Variants in RNF10 observed in about 807,000 individuals in gnomAD.
RNF10 encodes the protein ring finger protein 10, also known as E3 ubiquitin-protein ligase RNF10.
In RNF10, 38 loss-of-function variants were observed where a neutral mutation model predicts 91.4. The observed-to-expected ratio is 0.42, with a 90% CI of 0.32 to 0.54. RNF10 has a LOEUF of 0.54. RNF10 is among the 20% of genes least tolerant of loss of function. The pLI, the probability that RNF10 is intolerant of heterozygous loss-of-function variation, is 0.16. For missense variants in RNF10, 945 were observed against 1,012.0 expected (o/e 0.93, Z 0.90); for synonymous variants, 364 against 366.3 (o/e 0.99, Z 0.07).
chr12:120,547,288 C>G (rs1378968839), intron 2 of RNF10, among the ~76,000 whole-genome samples: 1 of 152,074 alleles, frequency 6.6e-6, no homozygotes, highest in African/African-American at 2.4e-5. Context: ...AGGGAGCACA[C>G]TATATGGTTG....
intron 6 of RNF10, among the ~76,000 whole-genome samples, chr12:120,559,971 G>A (rs567970688): frequency 2.6e-5 from 4 of 151,522 alleles, no homozygotes; most frequent in Admixed American, 6.6e-5. Flanking sequence ...TGCTGAACGT[G>A]AGCCACCACA....
At chr12:120,535,366 T>C (rs1870596883) in intron 1 of RNF10, 1 of 156,118 alleles carries the variant, frequency 6.4e-6, no homozygotes, top group African/African-American at 2.4e-5. Context: ...TGTTCAAGTT[T>C]AGATGGGTGG....
chr12:120,574,620 G>A (rs1178559289), intron 14 of RNF10: 1 of 444,906 alleles, frequency 2.2e-6, no homozygotes, highest in African/African-American at 2.0e-5. Context: ...TAGTAGCCAT[G>A]TGGTTTAAAA....
In RNF10 at chr12:120,563,313, A is replaced by G. The variant is rs200473562; in HGVS notation, c.1255-34A>G. ...ACATTGCTTTCGGAAAGCAGGAGAT[A>G]TCCTTTCTGTTGACTTAGAGTTTGC... On this transcript the variant is annotated intron_variant, in intron 8 of 16. Transcript: ENST00000325954. The G allele has an allele frequency of 5.0e-4, 792 of 1,582,386 alleles. 1 individual carries two copies. Among genetic ancestry groups the G allele is most frequent in the Middle Eastern group, 4.5e-3 (27 of 5,942 alleles).
intron 2 of RNF10, among the ~76,000 whole-genome samples, chr12:120,552,013 C>CT (rs111247951): frequency 0.023 from 3,026 of 130,698 alleles, 118 homozygotes; most frequent in African/African-American, 0.076. Context: ...ATGCTACATA[C>CT]TTTTTTTTTT....
chr12:120,548,553 G>C (rs750824600), intron 2 of RNF10, among the ~76,000 whole-genome samples: 1 of 152,044 alleles, frequency 6.6e-6, no homozygotes, highest in Admixed American at 6.6e-5. Flanking sequence ...ATGGGAAGAA[G>C]AAACAGCAAA....
intron 1 of RNF10, among the ~76,000 whole-genome samples, chr12:120,538,602 G>A (rs1453038361): frequency 2.6e-5 from 4 of 152,172 alleles, no homozygotes; most frequent in African/African-American, 7.2e-5. Context: ...ATAGCTCAGA[G>A]GAGAGAAGGT....
At chr12:120,567,169 C>T (rs953374208) in intron 13 of RNF10, among the ~76,000 whole-genome samples, 189 bp downstream of exon 13, 1 of 152,178 alleles carries the variant, frequency 6.6e-6, no homozygotes, top group Admixed American at 6.5e-5. Context: ...CTGCTTTACC[C>T]TGCCAGCTTC....
In RNF10 at chr12:120,534,807, C is replaced by G. The variant is rs765501811; in HGVS notation, c.-5C>G. ...CGACTGCCGTCGCCGCCGAGGCCCC[C>G]GTTGATGCCGCTGAGCTCCCCCAAC... On this transcript the variant is annotated 5_prime_UTR_variant, in exon 1 of 17. Coordinates refer to ENST00000325954, the MANE Select transcript of RNF10 (RefSeq NM_014868.5). 1.3e-5 allele frequency: 21 copies of G among 1,568,556 alleles called. No individual in the cohort carries two copies. Among genetic ancestry groups the G allele is most frequent in the Admixed American group, 3.7e-5 (2 of 53,658 alleles).
rs567078489 is a variant in RNF10 at position 120,577,184 on chromosome 12, GT to G, written c.*529del. On this transcript the variant is annotated 3_prime_UTR_variant, in exon 17 of 17. Transcript: ENST00000325954. ...TTTAGGACACCCAGTTTGAATTGCA[GT>G]TTTTTTTTTTCTGACACATGGCCAG... The G allele has an allele frequency of 5.9e-4, 243 of 414,908 alleles. No individual in the cohort carries two copies. The highest frequency in any genetic ancestry group is 2.7e-3 in the East Asian group (35 of 13,002). The allele number at this position is 414,908 out of a possible 1,614,324, so 25.7% of individuals were successfully genotyped here.
intron 1 of RNF10, chr12:120,535,622 CA>C (rs1870657493): frequency 6.6e-6 from 1 of 152,166 alleles, no homozygotes; most frequent in Non-Finnish European, 1.5e-5. Context: ...TAATTAAAAA[CA>C]AAACAAATGA....
At chr12:120,560,947 C>A (rs1874756367) in intron 7 of RNF10, 61 bp downstream of exon 7, 2 of 1,543,434 alleles carry the variant, frequency 1.3e-6, no homozygotes, top group Non-Finnish European at 1.8e-6. Flanking sequence ...GTGGTGAAAA[C>A]CAGAAATGCT....
chr12:120,563,210 C>A, intron 8 of RNF10, 137 bp from the exon 9 acceptor site: 1 of 1,479,420 alleles, frequency 6.8e-7, no homozygotes. Context: ...TTAGTTCTTT[C>A]CCCAGGGGTG....
At chr12:120,574,202 C>T (rs1011008215) in intron 14 of RNF10, among the ~76,000 whole-genome samples, 2 of 152,234 alleles carry the variant, frequency 1.3e-5, no homozygotes, top group Non-Finnish European at 2.9e-5. Context: ...TTAATGAAAT[C>T]GGCATCTGCC....
rs116505392 is a variant in RNF10 at position 120,566,092 on chromosome 12, A to G, written c.1885+563A>G. On this transcript the variant is annotated intron_variant, in intron 12 of 16. Transcript: ENST00000325954. ...ACAAGGAACTGAGTCCTTGGCCCAG[A>G]AAAGGACTTCGGTGTTTTGACTCCA... Among the ~76,000 whole-genome samples the G allele has an allele frequency of 2.3e-3, 348 of 152,352 alleles. 1 individual carries two copies. Among genetic ancestry groups the G allele is most frequent in the African/African-American group, 8.1e-3 (338 of 41,580 alleles).
chr12:120,577,450 T>A lies in RNF10; in HGVS notation c.*784T>A. 1 of 285,888 alleles carries A rather than the reference T, an allele frequency of 3.5e-6. No homozygotes were observed. The highest frequency in any genetic ancestry group is 6.9e-6 in the Non-Finnish European group (1 of 145,958). The allele number at this position is 285,888 out of a possible 1,614,324, so 17.7% of individuals were successfully genotyped here. On this transcript the variant is annotated 3_prime_UTR_variant, in exon 17 of 17. Coordinates refer to ENST00000325954, the MANE Select transcript of RNF10 (RefSeq NM_014868.5). ...CTGAAGCGGTAGCATTGCCACCATC[T>A]CCCTCTCATCTAGAGCAGTTTTCTT... is the stretch of plus-strand genomic sequence containing the variant.
chr12:120,540,076 C>T (rs1328009015), intron 1 of RNF10, among the ~76,000 whole-genome samples: 1 of 81,984 alleles, frequency 1.2e-5, no homozygotes, highest in South Asian at 5.0e-4. Flanking sequence ...TCATGAGGAA[C>T]TTAAAAAAAA....
Position 120,575,811 on chromosome 12 carries a change from T to G in RNF10, c.2220T>G (p.Pro740=). 1 of 1,614,200 alleles carries G rather than the reference T, an allele frequency of 6.2e-7. No homozygotes were observed. Reference sequence around the variant, plus strand: ...TTTTAGATGAGAACAGCTTAGTTCCTCCTGCCCCTGTGGACAGCGACGGGG... The same window carrying G: ...TTTTAGATGAGAACAGCTTAGTTCCGCCTGCCCCTGTGGACAGCGACGGGG... ...APKKDENSLV[P]PAPVDSDGES... The change falls in exon 16 of 17, where the codon CCT becomes CCG. Residue 740 remains proline (P), a synonymous_variant. Coordinates refer to ENST00000325954, the MANE Select transcript of RNF10 (RefSeq NM_014868.5).
chr12:120,535,562 T>C (rs545787397), intron 1 of RNF10: 117 of 152,328 alleles, frequency 7.7e-4, no homozygotes, highest in African/African-American at 2.7e-3. Flanking sequence ...CCGAGTTTAC[T>C]TACTTGTAAA....
Sources: gnomAD v4.1 joint callset for allele counts (sites outside exome capture counted in the v4.1 genomes callset) on GRCh38, gnomAD v4.1.1 for gene constraint, MANE v1.5 for transcripts, NCBI Gene and HGNC (gene_info 2026-07-23, HGNC 2026-07-21) for gene names.